The following RBFOX1 variants were observed in gnomAD, a reference collection of about 807,000 sequenced individuals.
The protein encoded by RBFOX1 is RNA binding protein fox-1 homolog 1.
In RBFOX1, 8 loss-of-function variants were observed where a neutral mutation model predicts 57.7. The observed-to-expected ratio is 0.14, with a 90% CI of 0.08 to 0.25. The LOEUF (loss-of-function observed/expected upper bound fraction) is 0.25, where lower values mean the gene tolerates loss of function less well. Ranked by LOEUF, RBFOX1 falls within the 10% of genes least tolerant of loss-of-function variation. RBFOX1 has a pLI of 1.00. For missense variants in RBFOX1, 611 were observed against 548.5 expected (o/e 1.11, Z -1.14); for synonymous variants, 326 against 222.4 (o/e 1.47, Z -4.15).
intron 1 of RBFOX1, among the ~76,000 whole-genome samples, chr16:5,429,687 C>T (rs2067670982): frequency 6.6e-6 from 1 of 152,196 alleles, no homozygotes; most frequent in Admixed American, 6.5e-5. Context: ...CTCTGAGGGG[C>T]CATTATCCCT....
chr16:6,159,519 C>G (rs2096862417), intron 1 of RBFOX1, among the ~76,000 whole-genome samples: 1 of 152,172 alleles, frequency 6.6e-6, no homozygotes, highest in South Asian at 2.1e-4. Context: ...CAGAAGCCAT[C>G]CAGTTCCAGT....
At chr16:5,438,780 C>G (rs192698829) in intron 1 of RBFOX1, among the ~76,000 whole-genome samples, 276 of 152,250 alleles carry the variant, frequency 1.8e-3, no homozygotes, top group African/African-American at 6.3e-3. Context: ...CTGCTGTTGA[C>G]TCATCCGTCC....
At chr16:6,138,560 A>G (rs2096686355) in intron 1 of RBFOX1, among the ~76,000 whole-genome samples, 1 of 152,156 alleles carries the variant, frequency 6.6e-6, no homozygotes, top group Non-Finnish European at 1.5e-5. Flanking sequence ...GGAAGATGGA[A>G]TCTTATGTCA....
intron 1 of RBFOX1, among the ~76,000 whole-genome samples, chr16:5,414,016 T>A (rs2067093723): frequency 6.6e-6 from 1 of 152,190 alleles, no homozygotes; most frequent in Non-Finnish European, 1.5e-5. Flanking sequence ...GTGTGAGTCA[T>A]TTGTCTACTG....
intron 1 of RBFOX1, among the ~76,000 whole-genome samples, chr16:5,419,027 G>C (rs527675902): frequency 3.9e-5 from 6 of 152,152 alleles, no homozygotes; most frequent in African/African-American, 1.4e-4. Context: ...GGTGGGGAAG[G>C]TACCTCACAG....
intron 4 of RBFOX1, among the ~76,000 whole-genome samples, chr16:7,317,768 A>C (rs111242529): frequency 6.6e-6 from 1 of 152,210 alleles, no homozygotes; most frequent in Non-Finnish European, 1.5e-5. Context: ...TGGGCCTCCA[A>C]CTAGCTCTAT....
chr16:5,830,075 T>C lies in RBFOX1; in HGVS notation c.319-37228T>C, dbSNP rs138056577. Among the ~76,000 whole-genome samples the C allele has an allele frequency of 3.5e-3, 533 of 152,350 alleles. 1 individual carries two copies. The highest frequency in any genetic ancestry group is 0.012 in the African/African-American group (509 of 41,578). ...TTTTTAAAACACCACACTGCCACTT[T>C]TCTTCAGGCTAGGATTGTCTAGCAT... On this transcript the variant is annotated intron_variant, in intron 3 of 19. Coordinates refer to the RBFOX1 transcript ENST00000641259.
chr16:6,680,146 T>C (rs1481592313), intron 3 of RBFOX1, among the ~76,000 whole-genome samples: 1 of 151,858 alleles, frequency 6.6e-6, no homozygotes, highest in African/African-American at 2.4e-5. Context: ...CCACATAGGG[T>C]TGTGTTTGGG....
chr16:6,899,955 G>C (rs1326207706), intron 3 of RBFOX1, among the ~76,000 whole-genome samples: 3 of 152,154 alleles, frequency 2.0e-5, no homozygotes, highest in African/African-American at 7.2e-5. Flanking sequence ...TAATAGCTGG[G>C]TGGCCTTGGA....
chr16:7,024,576 A>G (rs1324151578), intron 3 of RBFOX1, among the ~76,000 whole-genome samples: 2 of 152,146 alleles, frequency 1.3e-5, no homozygotes, highest in Admixed American at 6.5e-5. Context: ...TGGGGCAGGT[A>G]AGGGATATAT....
At chr16:5,574,529 C>T (rs2046390906) in intron 2 of RBFOX1, among the ~76,000 whole-genome samples, 1 of 151,922 alleles carries the variant, frequency 6.6e-6, no homozygotes, top group African/African-American at 2.4e-5. Context: ...GATTCTCGTG[C>T]CTCAGCCTCC....
At chr16:6,536,793 T>G (rs1272791432) in intron 2 of RBFOX1, among the ~76,000 whole-genome samples, 1 of 152,174 alleles carries the variant, frequency 6.6e-6, no homozygotes, top group East Asian at 1.9e-4. Flanking sequence ...TTAGTAACAT[T>G]GATCTGTCAT....
chr16:7,549,950 G>C (rs1055621163), intron 5 of RBFOX1, among the ~76,000 whole-genome samples: 3 of 151,924 alleles, frequency 2.0e-5, no homozygotes, highest in African/African-American at 7.3e-5. Context: ...TTTTTTTAGA[G>C]ACAGGGTTTT....
At chr16:6,534,742 AT>A (rs1348217169) in intron 2 of RBFOX1, among the ~76,000 whole-genome samples, 1 of 152,154 alleles carries the variant, frequency 6.6e-6, no homozygotes, top group Non-Finnish European at 1.5e-5. Flanking sequence ...GGAGAAGGGA[AT>A]TTTCTAAGGA....
intron 4 of RBFOX1, among the ~76,000 whole-genome samples, chr16:7,516,372 T>C (rs1462067752): frequency 6.6e-6 from 1 of 152,080 alleles, no homozygotes; most frequent in Non-Finnish European, 1.5e-5. Flanking sequence ...TGATGTCCTA[T>C]GGCTCATCTC....
rs113289673 is a variant in RBFOX1, at chr16:6,817,852, T to C, written c.-16+163202T>C. Among the ~76,000 whole-genome samples, 347 of 152,308 alleles carry C rather than the reference T, an allele frequency of 2.3e-3. 3 individuals are homozygous for C. The highest frequency in any genetic ancestry group is 7.7e-3 in the African/African-American group (319 of 41,582). On this transcript the variant is annotated intron_variant, in intron 3 of 15. Coordinates refer to ENST00000550418, the MANE Select transcript of RBFOX1 (RefSeq NM_018723.4). ...TGAAGTCCCCTGTGAATGTGACTCATATCAGACAGGAGATCCCAAGCCCTT... is the reference window on the plus strand; with the variant it reads ...TGAAGTCCCCTGTGAATGTGACTCACATCAGACAGGAGATCCCAAGCCCTT...
intron 4 of RBFOX1, among the ~76,000 whole-genome samples, chr16:5,956,676 A>T (rs71392448): frequency 0.46 from 46,901 of 102,946 alleles, 9,517 homozygotes; most frequent in East Asian, 0.59. Context: ...ATATATATAT[A>T]TATTTTTTTT....
chr16:5,657,167 A>G (rs2049458532), intron 3 of RBFOX1, among the ~76,000 whole-genome samples: 1 of 152,162 alleles, frequency 6.6e-6, no homozygotes, highest in South Asian at 2.1e-4. Flanking sequence ...GGACCTATTT[A>G]TTAGTTTTTC....
At chr16:7,693,650 T>C (rs1428490841) in intron 14 of RBFOX1, among the ~76,000 whole-genome samples, 1 of 152,120 alleles carries the variant, frequency 6.6e-6, no homozygotes, top group African/African-American at 2.4e-5. Context: ...AATCTTACAG[T>C]ATAATCAGTG....
Sources: allele counts gnomAD v4.1 joint callset (sites outside exome capture counted in the v4.1 genomes callset), GRCh38; gene constraint gnomAD v4.1.1; transcripts MANE v1.5; gene names NCBI Gene and HGNC (gene_info 2026-07-23, HGNC 2026-07-21).